The following SLC14A2 variants were observed in gnomAD, a reference collection of about 807,000 sequenced individuals.
SLC14A2 encodes the protein urea transporter 2.
SLC14A2 carries 91 observed loss-of-function variants against 104.6 expected under a neutral mutation model. That is an observed-to-expected ratio of 0.87 (90% CI 0.73 to 1.04). SLC14A2 has a LOEUF of 1.04. SLC14A2 is among the 50% of genes least tolerant of loss of function. The probability of loss-of-function intolerance (pLI) is 0.00; values close to 1 mark genes in which losing one functional copy is unlikely to be tolerated. For synonymous variants in SLC14A2, 476 were observed against 466.4 expected, an observed-to-expected ratio of 1.02 and a Z score of -0.27; for missense variants, 1,189 against 1,156.0, an observed-to-expected ratio of 1.03 and a Z score of -0.41.
rs536877580 is a variant in SLC14A2, at chr18:45,501,753, G to A, written c.-35+18431G>A. On this transcript the variant is annotated intron_variant, in intron 2 of 20. Coordinates refer to the SLC14A2 transcript ENST00000586448. ...TGAAAGGTTTCTCAACACTTTCCCC[G>A]GATCAGAGTGGTCCCAGAGTCTTGG... is the stretch of plus-strand genomic sequence containing the variant. Among the ~76,000 whole-genome samples the A allele has an allele frequency of 4.6e-5, 7 of 152,298 alleles. 1 individual carries two copies. Among genetic ancestry groups the A allele is most frequent in the South Asian group, 2.1e-4 (1 of 4,826 alleles).
intron 1 of SLC14A2, among the ~76,000 whole-genome samples, chr18:45,299,827 T>C (rs946536694): frequency 6.6e-6 from 1 of 152,208 alleles, no homozygotes; most frequent in Non-Finnish European, 1.5e-5. Flanking sequence ...CCACTCCCCA[T>C]TTCTTGTCTC....
At chr18:45,537,885 C>A (rs191469335) in intron 2 of SLC14A2, among the ~76,000 whole-genome samples, 72 of 152,210 alleles carry the variant, frequency 4.7e-4, no homozygotes, top group African/African-American at 1.6e-3. Context: ...GTGGGATATA[C>A]AGTTCTGGAG....
intron 1 of SLC14A2, among the ~76,000 whole-genome samples, chr18:45,443,250 G>A (rs1466907569): frequency 6.6e-6 from 1 of 152,178 alleles, no homozygotes; most frequent in Admixed American, 6.5e-5. Flanking sequence ...TGTGATCATA[G>A]TTTTCCATGA....
intron 2 of SLC14A2, among the ~76,000 whole-genome samples, chr18:45,553,950 G>A (rs978684446): frequency 1.3e-5 from 2 of 152,170 alleles, no homozygotes; most frequent in South Asian, 2.1e-4. Context: ...AAAGGCAATG[G>A]TGTATGCTGT....
intron 2 of SLC14A2, among the ~76,000 whole-genome samples, chr18:45,531,370 T>G (rs980682450): frequency 7.9e-5 from 12 of 152,356 alleles, no homozygotes; most frequent in African/African-American, 2.9e-4. Context: ...TGTTGTTTCC[T>G]GACTTTTTAA....
At chr18:45,340,475 A>G (rs1346892977) in intron 1 of SLC14A2, among the ~76,000 whole-genome samples, 1 of 152,250 alleles carries the variant, frequency 6.6e-6, no homozygotes, top group Non-Finnish European at 1.5e-5. Context: ...CAGAAAAGTC[A>G]GAGAATTTGT....
At chr18:45,499,719 G>C (rs1278591953) in intron 2 of SLC14A2, among the ~76,000 whole-genome samples, 1 of 152,258 alleles carries the variant, frequency 6.6e-6, no homozygotes, top group East Asian at 1.9e-4. Flanking sequence ...GTCAACATTG[G>C]GTTTTAATCC....
At chr18:45,413,637 C>G (rs147561840) in intron 1 of SLC14A2, among the ~76,000 whole-genome samples, 7 of 152,136 alleles carry the variant, frequency 4.6e-5, no homozygotes, top group Admixed American at 2.0e-4. Flanking sequence ...CACTGTCTTA[C>G]GAAACATGGC....
At chr18:45,529,341 G>A (rs949489624) in intron 2 of SLC14A2, 10 of 152,178 alleles carry the variant, frequency 6.6e-5, no homozygotes, top group African/African-American at 2.2e-4. Flanking sequence ...TACTGACTGA[G>A]GTACTGCATA....
chr18:45,192,587 A>T, the SLC14A2 span, among the ~76,000 whole-genome samples: 1 of 151,540 alleles, frequency 6.6e-6, no homozygotes, highest in Non-Finnish European at 1.5e-5. Context: ...AAGTCTTTTT[A>T]ACCATTCTAA....
At chr18:45,194,491 A>G in the SLC14A2 span, among the ~76,000 whole-genome samples, 1 of 152,058 alleles carries the variant, frequency 6.6e-6, no homozygotes, top group African/African-American at 2.4e-5. Context: ...TATAAGGTAA[A>G]TTACATTTAT....
chr18:45,268,649 T>C (rs975185277), intron 1 of SLC14A2, among the ~76,000 whole-genome samples: 1 of 152,218 alleles, frequency 6.6e-6, no homozygotes, highest in Non-Finnish European at 1.5e-5. Flanking sequence ...TAAGCAATTA[T>C]GAACAGCTAT....
chr18:45,460,318 C>G (rs1351973999), intron 1 of SLC14A2, among the ~76,000 whole-genome samples: 1 of 152,150 alleles, frequency 6.6e-6, no homozygotes, highest in Non-Finnish European at 1.5e-5. Flanking sequence ...ATCTACCCAC[C>G]ACCACCTCCA....
intron 2 of SLC14A2, among the ~76,000 whole-genome samples, chr18:45,553,402 T>C (rs1421666065): frequency 2.0e-5 from 3 of 152,164 alleles, no homozygotes; most frequent in African/African-American, 7.2e-5. Flanking sequence ...ACCTCTCTGC[T>C]AGAAGGGGCT....
At chr18:45,269,451 G>A (rs764205465) in intron 1 of SLC14A2, among the ~76,000 whole-genome samples, 8 of 152,050 alleles carry the variant, frequency 5.3e-5, no homozygotes, top group South Asian at 2.1e-4. Context: ...AGCCCCCAGC[G>A]TCACTGTCTC....
At chr18:45,233,848 G>A (rs140953694) in intron 1 of SLC14A2, among the ~76,000 whole-genome samples, 1 of 139,282 alleles carries the variant, frequency 7.2e-6, no homozygotes, top group Non-Finnish European at 1.5e-5. Flanking sequence ...ATGTAAAAAA[G>A]TGGAGTTGCT....
At chr18:45,262,418 C>A (rs995089370) in intron 1 of SLC14A2, among the ~76,000 whole-genome samples, 1 of 152,122 alleles carries the variant, frequency 6.6e-6, no homozygotes, top group African/African-American at 2.4e-5. Context: ...GTTAGCCAGG[C>A]AATCACACCG....
At chr18:45,248,332 T>C (rs758789660) in intron 1 of SLC14A2, among the ~76,000 whole-genome samples, 8 of 152,184 alleles carry the variant, frequency 5.3e-5, no homozygotes, top group Non-Finnish European at 8.8e-5. Flanking sequence ...TTGTTATTTC[T>C]TCTGTTCTTG....
chr18:45,496,780 T>C (rs1048545662), intron 2 of SLC14A2, among the ~76,000 whole-genome samples: 11 of 150,436 alleles, frequency 7.3e-5, no homozygotes, highest in African/African-American at 2.7e-4. Context: ...CAAGACTCCG[T>C]CTCAAAAAAA....
Sources: allele counts gnomAD v4.1 joint callset (sites outside exome capture counted in the v4.1 genomes callset), GRCh38; gene constraint gnomAD v4.1.1; transcripts MANE v1.5; gene names NCBI Gene and HGNC (gene_info 2026-07-23, HGNC 2026-07-21).